Variants in BPIFB1 observed in about 807,000 individuals in gnomAD.
BPIFB1 encodes BPI fold containing family B member 1, also known as BPI fold-containing family B member 1.
Under a neutral mutation model 55.1 loss-of-function variants are expected in BPIFB1, and 34 were observed. The observed-to-expected ratio is 0.62, with a 90% CI of 0.47 to 0.82. BPIFB1 has a LOEUF of 0.82. Among genes scored for constraint, BPIFB1 ranks in the 40% least tolerant of loss-of-function variants. The pLI, the probability that BPIFB1 is intolerant of heterozygous loss-of-function variation, is 0.00. For synonymous variants in BPIFB1, 236 were observed against 245.3 expected (o/e 0.96, Z 0.35); for missense variants, 532 against 593.1 (o/e 0.90, Z 1.07).
chr20:33,302,960 TCAGGACACTCCCGAGTTTTTTATAGAC>T lies in BPIFB1; in HGVS notation c.1029_1055del (p.Asp344_Gln352del), dbSNP rs1980901884. On this transcript the variant is annotated inframe_deletion, in exon 11 of 16. Transcript: ENST00000253354. The stretch of plus-strand genomic sequence containing the variant: ...CTACCCAGATCGTGAAGATCCTAAC[TCAGGACACTCCCGAGTTTTTTATAGAC>T]CAAGGCCATGCCAAGGTGGCCCAAC... The T allele has an allele frequency of 1.2e-6, 2 of 1,613,964 alleles. No homozygotes were observed. The highest frequency in any genetic ancestry group is 1.7e-6 in the Non-Finnish European group (2 of 1,180,016).
Position 33,296,986 on chromosome 20 carries a change from C to T in BPIFB1, c.598-539C>T, listed in dbSNP as rs553821355. Among the ~76,000 whole-genome samples, 17 of 152,344 alleles carry T rather than the reference C, an allele frequency of 1.1e-4. 2 individuals are homozygous for T. The highest frequency in any genetic ancestry group is 2.0e-4 in the Admixed American group (3 of 15,298). On this transcript the variant is annotated intron_variant, in intron 6 of 15. Coordinates refer to ENST00000253354, the MANE Select transcript of BPIFB1 (RefSeq NM_033197.3). ...TCACCCAGGCTGGAGTGCAGTAGCA[C>T]GATTCCAGCTCACTGCAACCTCCAC...
rs117258330 is a variant in BPIFB1 at position 33,303,949 on chromosome 20, T to C, written c.1141-9T>C. 10,860 of 1,613,714 alleles carry C rather than the reference T, an allele frequency of 6.7e-3. 53 individuals are homozygous for C. Among genetic ancestry groups the C allele is most frequent in the Non-Finnish European group, 8.3e-3 (9,834 of 1,179,804 alleles). On this transcript the variant is annotated splice_polypyrimidine_tract_variant and intron_variant, in intron 11 of 15. Transcript: ENST00000253354. The stretch of plus-strand genomic sequence containing the variant: ...GAGAACAATGGGGCCTGGGCTTCTC[T>C]TGTTGCAGGAAGCCAGCTCGGAAGC...
At chr20:33,289,778 C>A (rs954744138) in intron 3 of BPIFB1, 107 bp from the exon 4 acceptor site, 1 of 993,628 alleles carries the variant, frequency 1.0e-6, no homozygotes, top group Non-Finnish European at 1.6e-6. Context: ...GGGCCAGGGT[C>A]CCGCTGCTGC....
intron 15 of BPIFB1, 190 bp downstream of exon 15, chr20:33,307,177 A>C: frequency 1.7e-6 from 1 of 586,620 alleles, no homozygotes. Flanking sequence ...GAACCCTCCT[A>C]GCCTGGGGTC....
In BPIFB1 at chr20:33,288,787, G is replaced by A. The variant is rs750111009; in HGVS notation, c.162G>A (p.Gln54=). The change falls in exon 3 of 16, where the codon CAG becomes CAA. Residue 54 remains glutamine (Q), a synonymous_variant. Coordinates refer to ENST00000253354, the MANE Select transcript of BPIFB1 (RefSeq NM_033197.3). ...LKDHNATSIL[Q]QLPLLSAMRE... is the part of the protein sequence containing the mutation. ...ACCACAACGCCACCAGCATCCTGCAGCAGCTGCCGCTGCTCAGTGCCATGC... is the reference window on the plus strand; with the variant it reads ...ACCACAACGCCACCAGCATCCTGCAACAGCTGCCGCTGCTCAGTGCCATGC... The A allele has an allele frequency of 6.2e-7, 1 of 1,613,956 alleles. No individual in the cohort carries two copies. The highest frequency in any genetic ancestry group is 8.5e-7 in the Non-Finnish European group (1 of 1,180,028).
Position 33,291,089 on chromosome 20 carries a change from C to T in BPIFB1, c.498C>T (p.Arg166=). ...GTGCCACCAGCCATGGGAGCCTGCG[C>T]ATCCAACTGCTGCATAAGTGAGTGT... ...SDCATSHGSL[R]IQLLHKLSFL... is the part of the protein sequence containing the mutation. Residue 166 remains arginine (R), a synonymous_variant, in exon 5 of 16, where the codon CGC becomes CGT. Coordinates refer to ENST00000253354, the MANE Select transcript of BPIFB1 (RefSeq NM_033197.3). The T allele has an allele frequency of 6.2e-7, 1 of 1,611,920 alleles. No individual in the cohort carries two copies. The highest frequency in any genetic ancestry group is 8.5e-7 in the Non-Finnish European group (1 of 1,180,006).
chr20:33,293,557 G>T (rs148739073), intron 6 of BPIFB1, among the ~76,000 whole-genome samples: 26 of 152,200 alleles, frequency 1.7e-4, no homozygotes, highest in Admixed American at 4.6e-4. Flanking sequence ...AGTATTTTAG[G>T]CCAGGGCCAG....
At chr20:33,302,843 CCAGGCCA>C in intron 10 of BPIFB1, 66 bp from the exon 11 acceptor site, 1 of 1,557,990 alleles carries the variant, frequency 6.4e-7, no homozygotes, top group Non-Finnish European at 8.8e-7. Context: ...CAGGCAGGGG[CCAGGCCA>C]CACACAGAGC....
At chr20:33,298,323 C>T (rs73264069) in intron 7 of BPIFB1, among the ~76,000 whole-genome samples, 4,411 of 152,278 alleles carry the variant, frequency 0.029, 204 homozygotes, top group African/African-American at 0.096. Context: ...TCATTTCTCC[C>T]TCCCCCAGCA....
intron 6 of BPIFB1, among the ~76,000 whole-genome samples, chr20:33,296,016 T>C (rs1049178347): frequency 2.0e-5 from 3 of 152,072 alleles, no homozygotes; most frequent in Admixed American, 2.0e-4. Context: ...TGTTGAAATC[T>C]TTTTCAGTGT....
intron 7 of BPIFB1, 28 bp downstream of exon 7, chr20:33,297,616 T>C (rs535229102): frequency 1.9e-6 from 3 of 1,613,468 alleles, no homozygotes; most frequent in Non-Finnish European, 2.5e-6. Flanking sequence ...TCTCCCACTT[T>C]TTCCTTTACT....
intron 1 of BPIFB1, among the ~76,000 whole-genome samples, chr20:33,284,534 C>A (rs1358994145): frequency 6.6e-6 from 1 of 152,164 alleles, no homozygotes; most frequent in Admixed American, 6.5e-5. Context: ...GAGGCTGAAT[C>A]ATTATTGCAA....
chr20:33,299,125 T>C (rs1032712969), intron 7 of BPIFB1: 8 of 456,560 alleles, frequency 1.8e-5, no homozygotes, highest in Non-Finnish European at 3.5e-5. Flanking sequence ...AGGAAACAGA[T>C]TCAGACGCGA....
intron 7 of BPIFB1, 185 bp downstream of exon 7, chr20:33,297,773 A>T (rs1351496095): frequency 3.1e-6 from 2 of 644,324 alleles, no homozygotes; most frequent in Non-Finnish European, 5.6e-6. Flanking sequence ...CACGACTAGG[A>T]CTTCATGAGC....
rs1416712349 is a variant in BPIFB1 at position 33,288,835 on chromosome 20, C to G, written c.210C>G (p.Ile70Met). 6.2e-7 allele frequency: 1 copy of G among 1,613,946 alleles called. No individual in the cohort carries two copies. Among genetic ancestry groups the G allele is most frequent in the Non-Finnish European group, 8.5e-7 (1 of 1,180,008 alleles). ...TGCGGGAAAAGCCAGCCGGAGGCATCCCTGTGCTGGGCAGCCTGGTGAACA... is the reference window on the plus strand; with the variant it reads ...TGCGGGAAAAGCCAGCCGGAGGCATGCCTGTGCTGGGCAGCCTGGTGAACA... ...SAMREKPAGG[I>M]PVLGSLVNTV... The change falls in exon 3 of 16, where the codon ATC becomes ATG. Residue 70 changes from isoleucine (I) to methionine (M), a missense_variant. Transcript: ENST00000253354.
intron 9 of BPIFB1, among the ~76,000 whole-genome samples, chr20:33,302,092 C>T (rs183371989): frequency 9.9e-5 from 15 of 152,276 alleles, no homozygotes; most frequent in Admixed American, 3.9e-4. Flanking sequence ...ATGAAATCAC[C>T]TCTCTATGTC....
At position 33,306,197 on chromosome 20, in the gene BPIFB1, CT is replaced by C. The variant is rs926607057; in HGVS notation, c.1318+133del. 11 of 1,016,322 alleles carry C rather than the reference CT, an allele frequency of 1.1e-5. No individual in the cohort carries two copies. The African/African-American group carries it at 1.7e-4, about 16-fold the overall frequency. The allele number at this position is 1,016,322 out of a possible 1,614,324, so 63.0% of individuals were successfully genotyped here. ...CCTCAGAGCCTACTTCAAAATCTGC[CT>C]CCTCCCAAGAACCTTCTCAGCCCAA... On this transcript the variant is annotated intron_variant, in intron 14 of 15. Coordinates refer to ENST00000253354, the MANE Select transcript of BPIFB1 (RefSeq NM_033197.3).
At chr20:33,287,545 C>A (rs77901151) in intron 2 of BPIFB1, among the ~76,000 whole-genome samples, 1,748 of 152,290 alleles carry the variant, frequency 0.011, 44 homozygotes, top group African/African-American at 0.04. Context: ...AAGGACAGAG[C>A]AAGTTCAGAG....
intron 3 of BPIFB1, among the ~76,000 whole-genome samples, chr20:33,289,381 C>CAAA (rs1217903188): frequency 1.8e-4 from 19 of 105,800 alleles, no homozygotes; most frequent in Non-Finnish European, 3.3e-4. Flanking sequence ...GATTCTGTCT[C>CAAA]AAAAAAAAAA....
Sources: allele counts gnomAD v4.1 joint callset (sites outside exome capture counted in the v4.1 genomes callset), GRCh38; gene constraint gnomAD v4.1.1; transcripts MANE v1.5; gene names NCBI Gene and HGNC (gene_info 2026-07-23, HGNC 2026-07-21).